TNNI3K: variants seen among roughly 807,000 people sequenced by gnomAD.
TNNI3K encodes the protein serine/threonine-protein kinase TNNI3K.
Under a neutral mutation model 114.5 loss-of-function variants are expected in TNNI3K, and 140 were observed. The observed-to-expected ratio is 1.22, with a 90% CI of 1.07 to 1.41. The LOEUF is 1.41. Among genes scored for constraint, TNNI3K ranks in the 40% most tolerant of loss-of-function variants. The pLI, the probability that TNNI3K is intolerant of heterozygous loss-of-function variation, is 0.00. For missense variants in TNNI3K, 1,125 were observed against 1,007.6 expected (o/e 1.12, Z -1.58); for synonymous variants, 347 against 347.5 (o/e 1.00, Z 0.02).
chr1:74,389,908 G>C (rs1045555275), intron 17 of TNNI3K, among the ~76,000 whole-genome samples: 1 of 152,174 alleles, frequency 6.6e-6, no homozygotes, highest in African/African-American at 2.4e-5. Context: ...AGGAAAAGGA[G>C]AGAGGGGTAA....
intron 21 of TNNI3K, among the ~76,000 whole-genome samples, chr1:74,478,291 C>T (rs1235402503): frequency 6.6e-6 from 1 of 152,070 alleles, no homozygotes; most frequent in East Asian, 1.9e-4. Context: ...ATAATTCACA[C>T]CAAAACTTAA....
At chr1:74,432,225 A>C (rs1035675855) in intron 17 of TNNI3K, among the ~76,000 whole-genome samples, 1 of 152,162 alleles carries the variant, frequency 6.6e-6, no homozygotes, top group African/African-American at 2.4e-5. Context: ...TGTCAAATCA[A>C]ATCAAATTTT....
At chr1:74,475,930 A>T (rs1668185209) in intron 21 of TNNI3K, 1 of 460,720 alleles carries the variant, frequency 2.2e-6, no homozygotes, top group Non-Finnish European at 3.9e-6. Context: ...ATGGGTAGGA[A>T]GTCCTTCACC....
intron 23 of TNNI3K, among the ~76,000 whole-genome samples, chr1:74,502,375 G>A (rs1669677004): frequency 6.6e-6 from 1 of 152,178 alleles, no homozygotes; most frequent in Admixed American, 6.5e-5. Context: ...ATCTTGTGAA[G>A]TATGCCTCAT....
Position 74,523,822 on chromosome 1 carries a change from C to A in TNNI3K, c.2352-16412C>A, listed in dbSNP as rs186203213. Among the ~76,000 whole-genome samples, 5 of 152,252 alleles carry A rather than the reference C, an allele frequency of 3.3e-5. 1 individual carries two copies. In the East Asian group the frequency reaches 9.6e-4, roughly 29 times the overall value. On this transcript the variant is annotated intron_variant, in intron 23 of 24. Coordinates refer to ENST00000326637, the MANE Select transcript of TNNI3K (RefSeq NM_015978.3). ...TAAGTTCTGGGATACATGTGCAGAA[C>A]GTGCAGGTTTGTTACATAGGTATAC...
chr1:74,494,060 C>A (rs1290600699), intron 23 of TNNI3K, among the ~76,000 whole-genome samples: 1 of 152,008 alleles, frequency 6.6e-6, no homozygotes, highest in Admixed American at 6.6e-5. Flanking sequence ...TCATAGATAC[C>A]CTGAAGAGTG....
At chr1:74,451,658 TTTTC>T (rs1667006210) in intron 20 of TNNI3K, among the ~76,000 whole-genome samples, 1 of 37,748 alleles carries the variant, frequency 2.6e-5, no homozygotes, top group African/African-American at 6.6e-5. Flanking sequence ...TTCCTTTCTT[TTTTC>T]TTTTCTTTTC....
At chr1:74,464,880 C>A (rs1570654290) in intron 21 of TNNI3K, 2 of 1,319,264 alleles carry the variant, frequency 1.5e-6, no homozygotes, top group Non-Finnish European at 1.9e-6. Context: ...ACATCTAAAG[C>A]TGGATGCTTA....
chr1:74,514,783 G>A (rs896736404), intron 23 of TNNI3K, among the ~76,000 whole-genome samples: 1 of 152,092 alleles, frequency 6.6e-6, no homozygotes, highest in African/African-American at 2.4e-5. Context: ...GGTATTGTGG[G>A]TTGAATTGTA....
At chr1:74,397,567 TAACAA>T (rs1288605508) in intron 17 of TNNI3K, among the ~76,000 whole-genome samples, 3 of 152,178 alleles carry the variant, frequency 2.0e-5, no homozygotes, top group Non-Finnish European at 4.4e-5. Flanking sequence ...TAATTTGTCT[TAACAA>T]TAGATACTTG....
intron 17 of TNNI3K, among the ~76,000 whole-genome samples, chr1:74,428,541 T>G (rs1297853427): frequency 6.6e-6 from 1 of 152,068 alleles, no homozygotes; most frequent in African/African-American, 2.4e-5. Flanking sequence ...AAAAACAGAC[T>G]TCCATAGGCT....
intron 5 of TNNI3K, 117 bp downstream of exon 5, chr1:74,271,825 A>G (rs1656371432): frequency 2.5e-6 from 2 of 810,094 alleles, no homozygotes; most frequent in African/African-American, 3.5e-5. Context: ...TTTTTTAGCT[A>G]CTGAACACAT....
chr1:74,424,051 A>C (rs1665517639), intron 17 of TNNI3K, among the ~76,000 whole-genome samples: 1 of 143,006 alleles, frequency 7.0e-6, no homozygotes, highest in Non-Finnish European at 1.5e-5. Flanking sequence ...GTAATACCTA[A>C]AAAGCATAAT....
intron 20 of TNNI3K, among the ~76,000 whole-genome samples, chr1:74,444,474 A>G (rs1426555353): frequency 6.6e-6 from 1 of 152,170 alleles, no homozygotes; most frequent in African/African-American, 2.4e-5. Flanking sequence ...ACAACTAACA[A>G]GAAAAGTGAA....
chr1:74,355,597 C>T (rs183493707), intron 11 of TNNI3K, among the ~76,000 whole-genome samples: 93 of 149,900 alleles, frequency 6.2e-4, no homozygotes, highest in African/African-American at 1.5e-3. Flanking sequence ...GGCGATACTC[C>T]GTCTCAAAAA....
At chr1:74,326,111 G>T (rs1659888031) in intron 5 of TNNI3K, among the ~76,000 whole-genome samples, 2 of 152,046 alleles carry the variant, frequency 1.3e-5, no homozygotes, top group African/African-American at 4.8e-5. Context: ...AAGATCCAAA[G>T]AAATAATAGA....
intron 17 of TNNI3K, among the ~76,000 whole-genome samples, chr1:74,427,857 T>C (rs914456112): frequency 9.2e-5 from 14 of 152,114 alleles, no homozygotes; most frequent in African/African-American, 3.4e-4. Context: ...ATAGCATGCA[T>C]GTATGTGGTT....
intron 5 of TNNI3K, among the ~76,000 whole-genome samples, chr1:74,320,857 G>GA (rs1308500802): frequency 6.6e-6 from 1 of 151,878 alleles, no homozygotes; most frequent in African/African-American, 2.4e-5. Flanking sequence ...TATTTTTTCT[G>GA]AAAAAAGAGA....
rs1353474686 is a variant in TNNI3K at position 74,270,369 on chromosome 1, A to G, written c.334-1229A>G. ...ATAAAATCAGCTTAGCTTCAGTGGG[A>G]AAAAAAAAACAAAACTTTTTTTTTA... On this transcript the variant is annotated intron_variant, in intron 4 of 24. Transcript: ENST00000326637. Among the ~76,000 whole-genome samples the G allele has an allele frequency of 5.4e-5, 8 of 148,196 alleles. No homozygotes were observed. The South Asian group carries it at 6.4e-4, about 12-fold the overall frequency.
Sources: gnomAD v4.1 joint callset for allele counts (sites outside exome capture counted in the v4.1 genomes callset) on GRCh38, gnomAD v4.1.1 for gene constraint, MANE v1.5 for transcripts, NCBI Gene and HGNC (gene_info 2026-07-23, HGNC 2026-07-21) for gene names.